Variants in TANK observed in about 807,000 individuals in gnomAD.
TANK encodes TRAF family member associated NFKB activator, also known as TRAF family member-associated NF-kappa-B activator.
Under a neutral mutation model 43.6 loss-of-function variants are expected in TANK, and 15 were observed. The ratio of observed to expected loss-of-function variants is 0.34; its 90% CI spans 0.23 to 0.53. The LOEUF is 0.53. Among genes scored for constraint, TANK ranks in the 20% least tolerant of loss-of-function variants. TANK has a pLI of 0.94. For missense variants in TANK, 417 were observed against 498.6 expected, an observed-to-expected ratio of 0.84 and a Z score of 1.56; for synonymous variants, 162 against 178.2, an observed-to-expected ratio of 0.91 and a Z score of 0.73.
chr2:161,208,936 A>G (rs190590773), intron 4 of TANK, among the ~76,000 whole-genome samples: 2 of 152,324 alleles, frequency 1.3e-5, no homozygotes, highest in Admixed American at 1.3e-4. Context: ...TAAGTTTCAT[A>G]GATATATTTT....
At chr2:161,221,556 G>A (rs1037197930) in intron 4 of TANK, among the ~76,000 whole-genome samples, 11 of 151,736 alleles carry the variant, frequency 7.2e-5, no homozygotes, top group Non-Finnish European at 1.3e-4. Context: ...ATTAATGATT[G>A]TTTTCAGAAA....
chr2:161,167,793 T>A (rs1684755586), intron 1 of TANK, among the ~76,000 whole-genome samples: 1 of 152,030 alleles, frequency 6.6e-6, no homozygotes, highest in South Asian at 2.1e-4. Context: ...CGGCTAATTT[T>A]TTTGTATTTT....
At chr2:161,146,992 A>C (rs1683928879) in intron 1 of TANK, among the ~76,000 whole-genome samples, 1 of 152,050 alleles carries the variant, frequency 6.6e-6, no homozygotes, top group Admixed American at 6.5e-5. Context: ...CCCCAGGGGG[A>C]TCAGAGTTCT....
chr2:161,233,641 T>A (rs1193816889), intron 7 of TANK, among the ~76,000 whole-genome samples: 1 of 152,076 alleles, frequency 6.6e-6, no homozygotes, highest in East Asian at 1.9e-4. Flanking sequence ...CTAAATTCTA[T>A]GAAGAGATCA....
At chr2:161,203,851 G>A (rs1686528237) in intron 3 of TANK, among the ~76,000 whole-genome samples, 1 of 152,098 alleles carries the variant, frequency 6.6e-6, no homozygotes, top group African/African-American at 2.4e-5. Flanking sequence ...GTAAATAGCA[G>A]CAAAAGCTTT....
intron 1 of TANK, among the ~76,000 whole-genome samples, chr2:161,151,044 G>A (rs1243795642): frequency 6.6e-6 from 1 of 152,074 alleles, no homozygotes; most frequent in African/African-American, 2.4e-5. Context: ...GTGACTCATT[G>A]GTTAAGAATG....
chr2:161,229,228 G>T (rs1283602902), intron 6 of TANK, among the ~76,000 whole-genome samples: 1 of 152,172 alleles, frequency 6.6e-6, no homozygotes, highest in Non-Finnish European at 1.5e-5. Context: ...TAGCTATTTT[G>T]GAGAACTATA....
intron 7 of TANK, chr2:161,232,798 G>C: frequency 6.4e-7 from 1 of 1,550,554 alleles, no homozygotes; most frequent in Non-Finnish European, 8.7e-7. Context: ...ACTACAGCAA[G>C]GGAAACAGCT....
intron 1 of TANK, among the ~76,000 whole-genome samples, chr2:161,142,673 TG>T (rs1251331359): frequency 6.6e-6 from 1 of 152,142 alleles, no homozygotes; most frequent in Non-Finnish European, 1.5e-5. Context: ...TCTGCTCCAT[TG>T]GTCTATATGT....
chr2:161,191,941 C>A (rs1685935904), intron 2 of TANK, among the ~76,000 whole-genome samples: 1 of 152,082 alleles, frequency 6.6e-6, no homozygotes, highest in South Asian at 2.1e-4. Flanking sequence ...GCGCCCACCA[C>A]CACGCCCAGC....
upstream of TANK, chr2:161,160,062 C>T (rs1005981150): frequency 5.5e-5 from 11 of 199,204 alleles, no homozygotes; most frequent in Non-Finnish European, 1.1e-4. Flanking sequence ...CATTTTGTTT[C>T]TCAGGTGATT....
chr2:161,227,550 C>T (rs1687694281), intron 6 of TANK, among the ~76,000 whole-genome samples: 1 of 152,148 alleles, frequency 6.6e-6, no homozygotes, highest in African/African-American at 2.4e-5. Context: ...ATAGTGCCTG[C>T]CTCAGGATTA....
In TANK at chr2:161,203,874, T is replaced by G. The variant is rs191413923; in HGVS notation, c.208+279T>G. Among the ~76,000 whole-genome samples, 7 of 152,282 alleles carry G rather than the reference T, an allele frequency of 4.6e-5. No individual in the cohort carries two copies. In the East Asian group the frequency reaches 1.3e-3, roughly 29 times the overall value. ...CAGCAAAAGCTTTTGAAAACATCTATGCCTTTTGAACCAAAAACTCAAGTC... is the reference window on the plus strand; with the variant it reads ...CAGCAAAAGCTTTTGAAAACATCTAGGCCTTTTGAACCAAAAACTCAAGTC... On this transcript the variant is annotated intron_variant, in intron 3 of 7. Coordinates refer to ENST00000392749, the MANE Select transcript of TANK (RefSeq NM_001199135.3).
chr2:161,210,038 A>C (rs1215022424), intron 4 of TANK, among the ~76,000 whole-genome samples: 4 of 152,198 alleles, frequency 2.6e-5, no homozygotes, highest in Non-Finnish European at 5.9e-5. Context: ...AACTCAAGTA[A>C]ATGACGAGTG....
intron 4 of TANK, chr2:161,211,939 C>T: frequency 4.1e-6 from 4 of 975,700 alleles, no homozygotes; most frequent in African/African-American, 3.5e-5. Flanking sequence ...CTGTATTACT[C>T]CTCTGGAGAC....
chr2:161,146,424 T>G (rs1207894143), intron 1 of TANK, among the ~76,000 whole-genome samples: 1 of 152,194 alleles, frequency 6.6e-6, no homozygotes, highest in Non-Finnish European at 1.5e-5. Flanking sequence ...TTTTCAGAGT[T>G]TTTTTGTTCT....
At chr2:161,149,288 G>T (rs1192485690) in intron 1 of TANK, among the ~76,000 whole-genome samples, 1 of 152,182 alleles carries the variant, frequency 6.6e-6, no homozygotes, top group African/African-American at 2.4e-5. Context: ...TTTTAAGAGG[G>T]TTCATTGGCA....
chr2:161,206,661 A>G (rs1032579284), intron 4 of TANK, among the ~76,000 whole-genome samples: 4 of 152,142 alleles, frequency 2.6e-5, no homozygotes, highest in African/African-American at 7.2e-5. Flanking sequence ...TGATAAACAC[A>G]GAAACCATGG....
At chr2:161,149,408 T>C (rs1156272982) in intron 1 of TANK, among the ~76,000 whole-genome samples, 1 of 152,196 alleles carries the variant, frequency 6.6e-6, no homozygotes, top group African/African-American at 2.4e-5. Context: ...AGTTTTCATA[T>C]ATAGGATAAT....
Sources: allele counts gnomAD v4.1 joint callset (sites outside exome capture counted in the v4.1 genomes callset), GRCh38; gene constraint gnomAD v4.1.1; transcripts MANE v1.5; gene names NCBI Gene and HGNC (gene_info 2026-07-23, HGNC 2026-07-21).